SORCS3: variants seen among roughly 807,000 people sequenced by gnomAD.
SORCS3 encodes the protein VPS10 domain-containing receptor SorCS3.
A neutral mutation model predicts 146.3 loss-of-function variants in SORCS3; 57 were observed. That is an observed-to-expected ratio of 0.39 (90% CI 0.31 to 0.49). The LOEUF is 0.49. SORCS3 is among the 20% of genes least tolerant of loss of function. The pLI is 0.92. For synonymous variants in SORCS3, 653 were observed against 618.5 expected (o/e 1.06, Z -0.83); for missense variants, 1,341 against 1,575.5 (o/e 0.85, Z 2.52).
intron 1 of SORCS3, among the ~76,000 whole-genome samples, chr10:104,780,018 G>T (rs1005570833): frequency 1.3e-5 from 2 of 152,142 alleles, no homozygotes; most frequent in Non-Finnish European, 2.9e-5. Context: ...TTGCTTATGG[G>T]GAGGGGAAGG....
intron 1 of SORCS3, among the ~76,000 whole-genome samples, chr10:104,745,134 T>G (rs2016892118): frequency 6.6e-6 from 1 of 152,176 alleles, no homozygotes; most frequent in South Asian, 2.1e-4. Context: ...CTACAAGCCT[T>G]GGGTCTTTGC....
chr10:104,774,255 C>T (rs1235383895), intron 1 of SORCS3, among the ~76,000 whole-genome samples: 3 of 152,156 alleles, frequency 2.0e-5, no homozygotes, highest in Admixed American at 2.0e-4. Flanking sequence ...AATGTTCTAT[C>T]CCAGCCCTTC....
chr10:104,715,565 G>T (rs922484643), intron 1 of SORCS3, among the ~76,000 whole-genome samples: 4 of 152,116 alleles, frequency 2.6e-5, no homozygotes, highest in Non-Finnish European at 5.9e-5. Context: ...TGTATATCCT[G>T]TTGTTTCTGT....
Position 104,696,394 on chromosome 10 carries a change from T to TACA in SORCS3, c.627+54441_627+54442insCAA, listed in dbSNP as rs2016195720. Among the ~76,000 whole-genome samples the TACA allele has an allele frequency of 3.8e-5, 2 of 52,270 alleles. 1 individual carries two copies. Among genetic ancestry groups the TACA allele is most frequent in the African/African-American group, 1.1e-4 (2 of 17,914 alleles). The allele number at this position is 52,270 out of a possible 152,430, so 34.3% of individuals were successfully genotyped here. A position where few individuals can be genotyped will look rare whatever the true frequency, so the allele number is the denominator to read the frequency against. On this transcript the variant is annotated intron_variant, in intron 1 of 26. Coordinates refer to ENST00000369701, the MANE Select transcript of SORCS3 (RefSeq NM_014978.3). Reference sequence around the variant, plus strand: ...AGTATATAATATATATTATATAATATATAATATATAATATAGAATATATAT... The same window carrying TACA: ...AGTATATAATATATATTATATAATATACAATAATATATAATATAGAATATATAT...
chr10:104,702,171 C>T (rs1401115859), intron 1 of SORCS3, among the ~76,000 whole-genome samples: 1 of 152,166 alleles, frequency 6.6e-6, no homozygotes, highest in Non-Finnish European at 1.5e-5. Flanking sequence ...TCTGTCTATG[C>T]GGACCGCTGT....
At chr10:104,762,858 G>A (rs530770699) in intron 1 of SORCS3, among the ~76,000 whole-genome samples, 2 of 152,172 alleles carry the variant, frequency 1.3e-5, no homozygotes, top group South Asian at 4.2e-4. Flanking sequence ...TTTATAAATT[G>A]CCCAGTCTCA....
chr10:104,729,305 A>G (rs1467689895), intron 1 of SORCS3, among the ~76,000 whole-genome samples: 1 of 152,230 alleles, frequency 6.6e-6, no homozygotes, highest in Non-Finnish European at 1.5e-5. Flanking sequence ...CCCAGGCTCA[A>G]GACTGAGACC....
intron 1 of SORCS3, among the ~76,000 whole-genome samples, chr10:104,832,401 A>G (rs1564693769): frequency 6.6e-6 from 1 of 152,152 alleles, no homozygotes; most frequent in Non-Finnish European, 1.5e-5. Flanking sequence ...ACAGATGGAT[A>G]TTCCTTTCAG....
At chr10:104,647,207 G>A (rs1350612798) in intron 1 of SORCS3, among the ~76,000 whole-genome samples, 1 of 152,072 alleles carries the variant, frequency 6.6e-6, no homozygotes, top group Non-Finnish European at 1.5e-5. Context: ...TATGTCCCGG[G>A]TCTACTTCTC....
chr10:104,926,745 C>T (rs973696815), intron 3 of SORCS3, among the ~76,000 whole-genome samples: 1 of 152,214 alleles, frequency 6.6e-6, no homozygotes, highest in Non-Finnish European at 1.5e-5. Context: ...AGTCTTAAGT[C>T]ACAAATGTCT....
intron 22 of SORCS3, among the ~76,000 whole-genome samples, chr10:105,249,145 T>G (rs1589710156): frequency 6.6e-6 from 1 of 152,332 alleles, no homozygotes; most frequent in African/African-American, 2.4e-5. Flanking sequence ...AGAGAAATTC[T>G]CTGATAACAA....
At chr10:104,721,728 TC>T (rs1163428721) in intron 1 of SORCS3, among the ~76,000 whole-genome samples, 1 of 151,980 alleles carries the variant, frequency 6.6e-6, no homozygotes, top group East Asian at 1.9e-4. Flanking sequence ...TATTTTATCC[TC>T]TTTGAAGCAA....
At chr10:105,078,915 A>T (rs982388429) in intron 5 of SORCS3, among the ~76,000 whole-genome samples, 1 of 152,038 alleles carries the variant, frequency 6.6e-6, no homozygotes, top group African/African-American at 2.4e-5. Flanking sequence ...TGCATTAGTG[A>T]TCTGTGAAAA....
At position 105,200,175 on chromosome 10, in the gene SORCS3, G is replaced by C. The variant is rs184766777; in HGVS notation, c.2127+59G>C. ...GAGGAGGAGGAGCTAGTGCAAGTCCGACTGGGTCTTATCTGAGCCTTCCTA... is the reference window on the plus strand; with the variant it reads ...GAGGAGGAGGAGCTAGTGCAAGTCCCACTGGGTCTTATCTGAGCCTTCCTA... On this transcript the variant is annotated intron_variant, in intron 15 of 26. Coordinates refer to ENST00000369701, the MANE Select transcript of SORCS3 (RefSeq NM_014978.3). 6.0e-6 allele frequency: 8 copies of C among 1,333,426 alleles called. No individual in the cohort carries two copies. The African/African-American group carries it at 1.2e-4, about 19-fold the overall frequency. The allele number at this position is 1,333,426 out of a possible 1,614,324, so 82.6% of individuals were successfully genotyped here.
intron 25 of SORCS3, among the ~76,000 whole-genome samples, chr10:105,257,465 A>G (rs1383898166): frequency 6.6e-6 from 1 of 152,048 alleles, no homozygotes; most frequent in African/African-American, 2.4e-5. Context: ...GGAGAACAAA[A>G]CTCCACATGT....
At chr10:104,712,101 A>T (rs2016424558) in intron 1 of SORCS3, among the ~76,000 whole-genome samples, 1 of 152,204 alleles carries the variant, frequency 6.6e-6, no homozygotes, top group Non-Finnish European at 1.5e-5. Flanking sequence ...AACAATCAAA[A>T]GTAGCAACAA....
At chr10:104,838,224 C>G (rs1042218983) in intron 1 of SORCS3, among the ~76,000 whole-genome samples, 1 of 152,112 alleles carries the variant, frequency 6.6e-6, no homozygotes, top group East Asian at 1.9e-4. Flanking sequence ...GGAACTACCC[C>G]CTCCACCATC....
At chr10:105,195,362 G>T (rs761818801) in intron 14 of SORCS3, among the ~76,000 whole-genome samples, 1 of 152,024 alleles carries the variant, frequency 6.6e-6, no homozygotes, top group Non-Finnish European at 1.5e-5. Flanking sequence ...GAATCAAGAG[G>T]ACCTTCTCAG....
chr10:104,729,217 C>G (rs2016678582), intron 1 of SORCS3, among the ~76,000 whole-genome samples: 1 of 152,144 alleles, frequency 6.6e-6, no homozygotes, highest in Non-Finnish European at 1.5e-5. Flanking sequence ...TGTTGTTCAG[C>G]TAACCTCATT....
Sources: gnomAD v4.1 joint callset for allele counts (sites outside exome capture counted in the v4.1 genomes callset) on GRCh38, gnomAD v4.1.1 for gene constraint, MANE v1.5 for transcripts, NCBI Gene and HGNC (gene_info 2026-07-23, HGNC 2026-07-21) for gene names.